PACSIN2: variants seen among roughly 807,000 people sequenced by gnomAD.
PACSIN2 encodes protein kinase C and casein kinase substrate in neurons protein 2.
In PACSIN2, 25 loss-of-function variants were observed where a neutral mutation model predicts 63.8. That is an observed-to-expected ratio of 0.39 (90% CI 0.29 to 0.55). PACSIN2 has a LOEUF of 0.55. Among genes scored for constraint, PACSIN2 ranks in the 20% least tolerant of loss-of-function variants. The pLI is 0.62. For missense variants in PACSIN2, 518 were observed against 646.9 expected, an observed-to-expected ratio of 0.80 and a Z score of 2.16; for synonymous variants, 255 against 256.2, an observed-to-expected ratio of 1.00 and a Z score of 0.05.
intron 2 of PACSIN2, among the ~76,000 whole-genome samples, chr22:42,899,982 G>T (rs1204976713): frequency 6.6e-6 from 1 of 152,212 alleles, no homozygotes; most frequent in Non-Finnish European, 1.5e-5. Flanking sequence ...TGCAGGTGGA[G>T]AAATAGAGAC....
chr22:43,005,535 C>G (rs891177509), intron 1 of PACSIN2, among the ~76,000 whole-genome samples: 4 of 152,154 alleles, frequency 2.6e-5, no homozygotes, highest in African/African-American at 9.7e-5. Flanking sequence ...CCATGCAGGG[C>G]CAGGGCAGGA....
At chr22:42,914,153 T>C (rs965641403) in intron 1 of PACSIN2, among the ~76,000 whole-genome samples, 2 of 152,190 alleles carry the variant, frequency 1.3e-5, no homozygotes, top group Non-Finnish European at 2.9e-5. Context: ...TCCATAATCA[T>C]AGGGGCAGCG....
intron 3 of PACSIN2, 119 bp from the exon 4 acceptor site, chr22:42,891,301 T>C: frequency 1.6e-6 from 1 of 642,238 alleles, no homozygotes. Flanking sequence ...TTTCAGGGTT[T>C]CAGATATTTT....
intron 1 of PACSIN2, among the ~76,000 whole-genome samples, chr22:42,943,127 T>C (rs941475433): frequency 6.6e-6 from 1 of 152,246 alleles, no homozygotes; most frequent in Non-Finnish European, 1.5e-5. Flanking sequence ...ATAAATTTAC[T>C]CCTATTTTAT....
At chr22:42,923,815 C>A (rs73417231) in intron 1 of PACSIN2, among the ~76,000 whole-genome samples, 3,366 of 152,218 alleles carry the variant, frequency 0.022, 118 homozygotes, top group African/African-American at 0.076. Flanking sequence ...GGCGGGAGGT[C>A]TGCTTGAAGC....
At chr22:43,006,754 G>A (rs1461519843) in intron 1 of PACSIN2, among the ~76,000 whole-genome samples, 2 of 152,182 alleles carry the variant, frequency 1.3e-5, no homozygotes, top group African/African-American at 4.8e-5. Context: ...GGTGGAGGGT[G>A]CAGTGAGCCG....
intron 1 of PACSIN2, among the ~76,000 whole-genome samples, chr22:42,989,262 C>T (rs1446194331): frequency 2.0e-5 from 3 of 152,056 alleles, no homozygotes; most frequent in Non-Finnish European, 4.4e-5. Flanking sequence ...CTTTGGGAGG[C>T]GAGGTGGGTG....
intron 1 of PACSIN2, among the ~76,000 whole-genome samples, chr22:42,983,964 CTTTTTTTTTTTTT>C (rs532427677): frequency 9.6e-6 from 1 of 104,640 alleles, no homozygotes. Context: ...GCACTTAGCA[CTTTTTTTTTTTTT>C]TTTTTTTTTT....
chr22:42,895,915 T>C (rs1422719635), intron 2 of PACSIN2, among the ~76,000 whole-genome samples: 1 of 152,192 alleles, frequency 6.6e-6, no homozygotes, highest in East Asian at 1.9e-4. Context: ...TGGAAGTCTC[T>C]ATCGCCATAA....
rs769969045 is a variant in PACSIN2, at chr22:42,987,494, C to CACACACACACACACACA, written c.-78+27526_-78+27527insTGTGTGTGTGTGTGTGT. On this transcript the variant is annotated intron_variant, in intron 1 of 10. Transcript: ENST00000263246. ...CACACACACACACACACACACACACCCATGGCACCATGTTCAGAAGACGGG... is the reference window on the plus strand; with the variant it reads ...CACACACACACACACACACACACACCACACACACACACACACACATGGCACCATGTTCAGAAGACGGG... Among the ~76,000 whole-genome samples, 25 of 67,978 alleles carry CACACACACACACACACA rather than the reference C, an allele frequency of 3.7e-4. 1 individual carries two copies. Among genetic ancestry groups the CACACACACACACACACA allele is most frequent in the East Asian group, 9.7e-4 (3 of 3,094 alleles). 44.6% of individuals were successfully genotyped at this position (67,978 alleles called of 152,430 possible). A position where few individuals can be genotyped will look rare whatever the true frequency, so the allele number is the denominator to read the frequency against.
intron 1 of PACSIN2, among the ~76,000 whole-genome samples, chr22:42,951,065 C>G (rs1261172558): frequency 6.6e-6 from 1 of 152,128 alleles, no homozygotes; most frequent in African/African-American, 2.4e-5. Context: ...ACATGAAAGT[C>G]TGGGCTTTTG....
intron 1 of PACSIN2, among the ~76,000 whole-genome samples, chr22:42,999,775 G>T (rs970999693): frequency 2.0e-5 from 3 of 152,176 alleles, no homozygotes; most frequent in Admixed American, 1.3e-4. Context: ...GCCACTGTGG[G>T]GGACCACCAG....
intron 1 of PACSIN2, among the ~76,000 whole-genome samples, chr22:42,944,123 TACTGTGTTGTCC>T (rs1933300090): frequency 6.6e-6 from 1 of 152,190 alleles, no homozygotes; most frequent in Non-Finnish European, 1.5e-5. Context: ...CTCTCCTGTC[TACTGTGTTGTCC>T]ACTGAGCAGG....
intron 1 of PACSIN2, among the ~76,000 whole-genome samples, chr22:42,983,255 T>G (rs1156243596): frequency 6.8e-6 from 1 of 147,942 alleles, no homozygotes; most frequent in Non-Finnish European, 1.5e-5. Flanking sequence ...AGGTGGAGGC[T>G]GCAGTGAGTC....
chr22:42,918,669 T>C (rs898514426), intron 1 of PACSIN2, among the ~76,000 whole-genome samples: 10 of 152,138 alleles, frequency 6.6e-5, no homozygotes, highest in African/African-American at 2.2e-4. Flanking sequence ...CTACCAGGCA[T>C]TTCCAGAATC....
At chr22:42,958,949 G>C (rs1226142782) in intron 1 of PACSIN2, among the ~76,000 whole-genome samples, 1 of 152,190 alleles carries the variant, frequency 6.6e-6, no homozygotes, top group Non-Finnish European at 1.5e-5. Context: ...AAAAATTCCA[G>C]AATATGACTT....
At chr22:42,896,064 T>C (rs576033543) in intron 2 of PACSIN2, among the ~76,000 whole-genome samples, 11 of 152,160 alleles carry the variant, frequency 7.2e-5, no homozygotes, top group Non-Finnish European at 8.8e-5. Flanking sequence ...CACTACAGGG[T>C]ACACTTAGAT....
rs1462570650 is a variant in PACSIN2, at chr22:42,870,153, C to T, written c.*1204G>A. On this transcript the variant is annotated 3_prime_UTR_variant, in exon 11 of 11. Transcript: ENST00000263246. Reference sequence around the variant, plus strand: ...GGGTAAGACCCAGCTTCTGTTTGTGCACAAGTAACACGACGACTGAAATCT... The same window carrying T: ...GGGTAAGACCCAGCTTCTGTTTGTGTACAAGTAACACGACGACTGAAATCT... The T allele has an allele frequency of 6.6e-6, 1 of 152,174 alleles. No individual in the cohort carries two copies. Among genetic ancestry groups the T allele is most frequent in the African/African-American group, 2.4e-5 (1 of 41,452 alleles). The allele number at this position is 152,174 out of a possible 1,614,324, so 9.4% of individuals were successfully genotyped here. A position where few individuals can be genotyped will look rare whatever the true frequency, so the allele number is the denominator to read the frequency against.
At chr22:42,923,561 G>A (rs929648408) in intron 1 of PACSIN2, among the ~76,000 whole-genome samples, 3 of 152,132 alleles carry the variant, frequency 2.0e-5, no homozygotes, top group African/African-American at 7.2e-5. Context: ...CCGAGTAGCT[G>A]GGACTACAGG....
Sources: gnomAD v4.1 joint callset for allele counts (sites outside exome capture counted in the v4.1 genomes callset) on GRCh38, gnomAD v4.1.1 for gene constraint, MANE v1.5 for transcripts, NCBI Gene and HGNC (gene_info 2026-07-23, HGNC 2026-07-21) for gene names.